The following MAP4K4 variants were observed in gnomAD, a reference collection of about 807,000 sequenced individuals.
The protein encoded by MAP4K4 is HPK/GCK-like kinase HGK.
A neutral mutation model predicts 189.6 loss-of-function variants in MAP4K4; 38 were observed. That is an observed-to-expected ratio of 0.20 (90% confidence interval 0.15 to 0.26). The LOEUF (loss-of-function observed/expected upper bound fraction) is 0.26, where lower values mean the gene tolerates loss of function less well. Ranked by LOEUF, MAP4K4 falls within the 10% of genes least tolerant of loss-of-function variation. MAP4K4 has a pLI of 1.00. For synonymous variants in MAP4K4, 610 were observed against 624.3 expected, an observed-to-expected ratio of 0.98 and a Z score of 0.34; for missense variants, 1,054 against 1,726.9, an observed-to-expected ratio of 0.61 and a Z score of 6.91.
chr2:101,871,814 C>G, intron 24 of MAP4K4, 129 bp downstream of exon 24: 1 of 793,756 alleles, frequency 1.3e-6, no homozygotes, highest in Non-Finnish European at 1.9e-6. Flanking sequence ...CTGTCACCTA[C>G]CCTTCTCCCC....
chr2:101,769,445 G>A (rs149821907), intron 2 of MAP4K4, among the ~76,000 whole-genome samples: 1 of 152,290 alleles, frequency 6.6e-6, no homozygotes, highest in East Asian at 1.9e-4. Flanking sequence ...AAGTTAACGG[G>A]AGTGGGGGAG....
intron 9 of MAP4K4, among the ~76,000 whole-genome samples, chr2:101,837,845 C>G (rs995949552): frequency 1.3e-5 from 2 of 152,178 alleles, no homozygotes; most frequent in African/African-American, 2.4e-5. Context: ...TATAGTGATA[C>G]AAAGATACAG....
chr2:101,874,359 A>T, intron 26 of MAP4K4, 107 bp downstream of exon 26: 1 of 983,432 alleles, frequency 1.0e-6, no homozygotes, highest in Non-Finnish European at 1.5e-6. Context: ...AGGATGGAAG[A>T]CTTCTATGAT....
At chr2:101,706,667 A>G (rs2042475148) in intron 2 of MAP4K4, among the ~76,000 whole-genome samples, 1 of 152,112 alleles carries the variant, frequency 6.6e-6, no homozygotes, top group African/African-American at 2.4e-5. Flanking sequence ...TTCTCCCTGG[A>G]GTTTCCTCAT....
At chr2:101,846,316 C>T (rs2097108309) in intron 12 of MAP4K4, among the ~76,000 whole-genome samples, 1 of 152,188 alleles carries the variant, frequency 6.6e-6, no homozygotes, top group Non-Finnish European at 1.5e-5. Flanking sequence ...TTTTGAGACT[C>T]TGGCTGTTTC....
At chr2:101,717,524 C>G (rs1239168670) in intron 2 of MAP4K4, among the ~76,000 whole-genome samples, 2 of 152,152 alleles carry the variant, frequency 1.3e-5, no homozygotes, top group African/African-American at 4.8e-5. Flanking sequence ...AGAACAAACT[C>G]TTGCCTTGAA....
At chr2:101,860,242 T>C in intron 15 of MAP4K4, 1 of 307,660 alleles carries the variant, frequency 3.3e-6, no homozygotes, top group South Asian at 3.3e-5. Flanking sequence ...TTTCTGACTT[T>C]GCAGATGTCA....
chr2:101,789,193 A>C (rs1265014295), intron 2 of MAP4K4, among the ~76,000 whole-genome samples: 1 of 152,220 alleles, frequency 6.6e-6, no homozygotes, highest in African/African-American at 2.4e-5. Flanking sequence ...GTTGCCAAGG[A>C]GATGAACTTT....
chr2:101,887,100 T>C, exon 30 of MAP4K4: 2 of 1,575,976 alleles, frequency 1.3e-6, no homozygotes, highest in Non-Finnish European at 1.7e-6. Flanking sequence ...ATTTGGAGAA[T>C]TGGTACATAA....
At chr2:101,880,808 A>G (rs2098365368) in intron 27 of MAP4K4, among the ~76,000 whole-genome samples, 1 of 152,090 alleles carries the variant, frequency 6.6e-6, no homozygotes, top group African/African-American at 2.4e-5. Flanking sequence ...CGCCTGGTGT[A>G]TAGTTCTATT....
At chr2:101,824,371 T>C (rs2096259555) in intron 4 of MAP4K4, among the ~76,000 whole-genome samples, 1 of 152,170 alleles carries the variant, frequency 6.6e-6, no homozygotes, top group African/African-American at 2.4e-5. Context: ...AAAAACTTTA[T>C]TTATGGGAAC....
intron 2 of MAP4K4, among the ~76,000 whole-genome samples, chr2:101,750,429 A>C (rs989784005): frequency 6.8e-6 from 1 of 146,876 alleles, no homozygotes; most frequent in Admixed American, 6.9e-5. Flanking sequence ...CAAACACCGC[A>C]TATTCTCACT....
At position 101,829,823 on chromosome 2, in the gene MAP4K4, C is replaced by G. The variant is rs373142983; in HGVS notation, c.508+229C>G. 1,804 of 423,422 alleles carry G rather than the reference C, an allele frequency of 4.3e-3. 75 individuals carry two copies. The South Asian group carries it at 0.054, about 13-fold the overall frequency. 26.2% of individuals were successfully genotyped at this position (423,422 alleles called of 1,614,324 possible). A position where few individuals can be genotyped will look rare whatever the true frequency, so the allele number is the denominator to read the frequency against. On this transcript the variant is annotated intron_variant, in intron 6 of 32. Transcript: ENST00000324219. ...TTCTCTATACAGCAGCCAGACTGAT[C>G]TTCAAATCAGACCATGCCACTTTCC...
At chr2:101,708,344 C>T (rs1209726934) in intron 2 of MAP4K4, among the ~76,000 whole-genome samples, 1 of 152,074 alleles carries the variant, frequency 6.6e-6, no homozygotes, top group Non-Finnish European at 1.5e-5. Context: ...ATAACAATAC[C>T]AATGAAACAA....
intron 26 of MAP4K4, 40 bp from the exon 27 acceptor site, chr2:101,876,963 C>A (rs778743922): frequency 2.5e-6 from 4 of 1,609,004 alleles, no homozygotes; most frequent in Non-Finnish European, 3.4e-6. Flanking sequence ...ATTTGCCAAG[C>A]ACAGCATAAA....
At chr2:101,841,531 C>T (rs866002837) in intron 10 of MAP4K4, among the ~76,000 whole-genome samples, 3 of 151,316 alleles carry the variant, frequency 2.0e-5, no homozygotes, top group African/African-American at 4.9e-5. Flanking sequence ...TACAGTGGTG[C>T]GTTCTTGGCT....
chr2:101,759,244 G>A (rs1454238889), intron 2 of MAP4K4, among the ~76,000 whole-genome samples: 1 of 151,916 alleles, frequency 6.6e-6, no homozygotes, highest in Non-Finnish European at 1.5e-5. Flanking sequence ...TGTGAACAAA[G>A]TTTGCTTCCT....
At chr2:101,879,545 C>A (rs1472309750) in intron 27 of MAP4K4, among the ~76,000 whole-genome samples, 1 of 152,092 alleles carries the variant, frequency 6.6e-6, no homozygotes, top group Non-Finnish European at 1.5e-5. Context: ...TTCCTGCAAA[C>A]AATTCCCCAA....
intron 15 of MAP4K4, 27 bp from the exon 16 acceptor site, chr2:101,860,798 G>C (rs1378011898): frequency 6.3e-7 from 1 of 1,581,802 alleles, no homozygotes; most frequent in Non-Finnish European, 8.6e-7. Flanking sequence ...CTAACACTGA[G>C]TTATGTCTTC....
Sources: allele counts gnomAD v4.1 joint callset (sites outside exome capture counted in the v4.1 genomes callset), GRCh38; gene constraint gnomAD v4.1.1; transcripts MANE v1.5; gene names NCBI Gene and HGNC (gene_info 2026-07-23, HGNC 2026-07-21).